The following SPG11 variants were observed in gnomAD, a reference collection of about 807,000 sequenced individuals.
SPG11 encodes spatacsin.
SPG11 carries 222 observed loss-of-function variants against 274.0 expected under a neutral mutation model. The ratio of observed to expected loss-of-function variants is 0.81; its 90% confidence interval spans 0.73 to 0.91. The LOEUF (loss-of-function observed/expected upper bound fraction) is 0.91, where lower values mean the gene tolerates loss of function less well. Ranked by LOEUF, SPG11 falls within the 40% of genes least tolerant of loss-of-function variation. SPG11 has a pLI of 0.00. For missense variants in SPG11, 3,114 were observed against 2,872.7 expected (o/e 1.08, Z -1.92); for synonymous variants, 1,144 against 1,039.7 (o/e 1.10, Z -1.93).
intron 6 of SPG11, among the ~76,000 whole-genome samples, chr15:44,651,119 ATCT>A (rs1304563519): frequency 6.6e-6 from 1 of 152,174 alleles, no homozygotes; most frequent in Non-Finnish European, 1.5e-5. Flanking sequence ...AATGTTTATA[ATCT>A]TTTTTAAAAG....
chr15:44,581,070 C>T (rs1165771031), intron 30 of SPG11, among the ~76,000 whole-genome samples: 2 of 151,862 alleles, frequency 1.3e-5, no homozygotes, highest in African/African-American at 2.4e-5. Flanking sequence ...GAAAAAAAAA[C>T]ATCGAGAGCA....
At position 44,565,918 on chromosome 15, in the gene SPG11, AT is replaced by A; in HGVS notation, c.6934del (p.Met2312CysfsTer10). The A allele has an allele frequency of 6.2e-7, 1 of 1,613,810 alleles. No individual in the cohort carries two copies. The highest frequency in any genetic ancestry group is 8.5e-7 in the Non-Finnish European group (1 of 1,179,986). On this transcript the variant is annotated frameshift_variant, in exon 38 of 40. Coordinates refer to ENST00000261866, the MANE Select transcript of SPG11 (RefSeq NM_025137.4). LOFTEE classifies it high-confidence loss of function. ...IHFLNTGQNT[M>X]LINLGRHKLM... ...CTTGTGGCGGCCCAAGTTGATGAGC[AT>A]TGTGTTCTGGCCAGTGTTCAGAAAG...
chr15:44,656,783 G>A (rs2084953524), intron 4 of SPG11, among the ~76,000 whole-genome samples: 1 of 151,982 alleles, frequency 6.6e-6, no homozygotes, highest in African/African-American at 2.4e-5. Flanking sequence ...AGAAAATTAG[G>A]GAAATAACAT....
chr15:44,642,173 C>G (rs1035713009), intron 7 of SPG11, among the ~76,000 whole-genome samples: 14 of 150,938 alleles, frequency 9.3e-5, no homozygotes, highest in Non-Finnish European at 1.5e-4. Flanking sequence ...CGAGACCAGT[C>G]TGGCAAATAT....
chr15:44,645,628 TTAAAC>T (rs1379229084), intron 7 of SPG11, among the ~76,000 whole-genome samples: 1 of 152,154 alleles, frequency 6.6e-6, no homozygotes, highest in Non-Finnish European at 1.5e-5. Flanking sequence ...TGGGACCTAA[TTAAAC>T]TAAAGAGCTT....
At chr15:44,599,075 T>C (rs1429636964) in intron 21 of SPG11, among the ~76,000 whole-genome samples, 1 of 152,176 alleles carries the variant, frequency 6.6e-6, no homozygotes, top group African/African-American at 2.4e-5. Flanking sequence ...TTAGTCATAG[T>C]CTAAACTATT....
chr15:44,584,636 TC>T, intron 29 of SPG11, 78 bp from the exon 30 acceptor site: 8 of 1,511,252 alleles, frequency 5.3e-6, no homozygotes, highest in South Asian at 1.1e-5. Flanking sequence ...CCTAAGTATA[TC>T]ATACTTGTTT....
intron 20 of SPG11, among the ~76,000 whole-genome samples, chr15:44,604,745 G>A (rs866435530): frequency 4.0e-5 from 6 of 151,662 alleles, no homozygotes; most frequent in African/African-American, 7.3e-5. Flanking sequence ...TGGCTAACAC[G>A]GTGAAACCCC....
rs1329366922 is a variant in SPG11, at chr15:44,626,497, G to A, written c.2078C>T (p.Ala693Val). The A allele has an allele frequency of 1.2e-6, 2 of 1,613,600 alleles. No individual in the cohort carries two copies. Among genetic ancestry groups the A allele is most frequent in the Non-Finnish European group, 1.7e-6 (2 of 1,179,864 alleles). Residue 693 changes from alanine (A) to valine (V), a missense_variant, in exon 11 of 40, where the codon GCC becomes GTC. Physicochemically the swap from Ala to Val is moderately conservative, Grantham distance 64 (BLOSUM62 0). Coordinates refer to ENST00000261866, the MANE Select transcript of SPG11 (RefSeq NM_025137.4). ...WKKLSFEEVI[A>V]SAILNNKIPE... Reference sequence around the variant, plus strand: ...TATTTTGTTGTTTAAAATGGCGCTGGCAATAACTTCCTAGGAAAAGAAAAA... The same window carrying A: ...TATTTTGTTGTTTAAAATGGCGCTGACAATAACTTCCTAGGAAAAGAAAAA...
chr15:44,580,565 T>C (rs2082639653), intron 30 of SPG11, among the ~76,000 whole-genome samples: 1 of 151,992 alleles, frequency 6.6e-6, no homozygotes, highest in Admixed American at 6.5e-5. Flanking sequence ...GATCACGAGG[T>C]CAAGAGATCG....
In SPG11 at chr15:44,629,358, A is replaced by G. The variant is rs1485175974; in HGVS notation, c.1766T>C (p.Leu589Ser). 2 of 1,614,086 alleles carry G rather than the reference A, an allele frequency of 1.2e-6. No individual in the cohort carries two copies. Among genetic ancestry groups the G allele is most frequent in the African/African-American group, 2.7e-5 (2 of 74,956 alleles). The change falls in exon 9 of 40, where the codon TTA becomes TCA. Residue 589 changes from leucine to serine, a missense_variant. Physicochemically the swap from Leu to Ser is moderately radical, Grantham distance 145. Transcript: ENST00000261866. ...NVEELIPALDLLCSAIRESYS... is the reference protein window; with the variant it reads ...NVEELIPALDSLCSAIRESYS... ...ACTTTCTCTAATTGCCGAGCAAAGTAAATCCAATGCTGGTATCAGCTCTTC... is the reference window on the plus strand; with the variant it reads ...ACTTTCTCTAATTGCCGAGCAAAGTGAATCCAATGCTGGTATCAGCTCTTC...
Position 44,584,044 on chromosome 15 carries a change from T to C in SPG11, c.5636A>G (p.Asn1879Ser). 6.2e-7 allele frequency: 1 copy of C among 1,614,190 alleles called. No homozygotes were observed. Among genetic ancestry groups the C allele is most frequent in the Non-Finnish European group, 8.5e-7 (1 of 1,180,030 alleles). The change falls in exon 30 of 40, where the codon AAC (asparagine) becomes AGC (serine). Residue 1879 changes from asparagine (N) to serine (S), a missense_variant. Transcript: ENST00000261866. Reference protein sequence around the residue: ...RLDWKEQESLNFLIGRLLDDG... With the variant: ...RLDWKEQESLSFLIGRLLDDG... ...ATCCAGTAGGCGCCCAATCAAAAAGTTTAGTGACTCCTGCTCTTTCCAATC... is the reference window on the plus strand; with the variant it reads ...ATCCAGTAGGCGCCCAATCAAAAAGCTTAGTGACTCCTGCTCTTTCCAATC...
chr15:44,613,399 A>C, intron 17 of SPG11, 31 bp downstream of exon 17: 2 of 1,425,398 alleles, frequency 1.4e-6, no homozygotes. Context: ...ATCCAAAGCA[A>C]GTTTCTGTGT....
rs772212585 is a variant in SPG11 at position 44,598,268 on chromosome 15, T to G, written c.3998A>C (p.Lys1333Thr). The G allele has an allele frequency of 6.2e-7, 1 of 1,612,134 alleles. No homozygotes were observed. Among genetic ancestry groups the G allele is most frequent in the Non-Finnish European group, 8.5e-7 (1 of 1,178,216 alleles). Residue 1333 changes from lysine (K) to threonine (T), a missense_variant, in exon 23 of 40, where the codon AAG becomes ACG. Physicochemically the swap from Lys to Thr is moderately conservative, Grantham distance 78. Transcript: ENST00000261866. The stretch of plus-strand genomic sequence containing the variant: ...GCTGAGACTGCAACTCACAAACCTC[T>G]TTATTTCCTGTTGCTGAATGCTGTT... ...TWNSIQQQEIKRLSSESSSQW... is the reference protein window; with the variant it reads ...TWNSIQQQEITRLSSESSSQW...
chr15:44,596,322 T>TA lies in SPG11; in HGVS notation c.4194_4195insT (p.Ile1399TyrfsTer10). ...AAAGCCAGCCTTAAGTGGTCTTGAA[T>TA]GACTGGGCTGAAGTACTGGATAAGG... is the stretch of plus-strand genomic sequence containing the variant. On this transcript the variant is annotated frameshift_variant, in exon 25 of 40. Transcript: ENST00000261866. LOFTEE classifies it high-confidence loss of function. The TA allele has an allele frequency of 6.2e-7, 1 of 1,614,186 alleles. No individual in the cohort carries two copies. The highest frequency in any genetic ancestry group is 8.5e-7 in the Non-Finnish European group (1 of 1,180,034).
At chr15:44,575,417 T>C in intron 30 of SPG11, 1 of 199,664 alleles carries the variant, frequency 5.0e-6, no homozygotes, top group East Asian at 1.1e-4. Context: ...GTTCCAGCCT[T>C]CATCACTCTG....
Position 44,651,512 on chromosome 15 carries a change from G to T in SPG11, c.1435C>A (p.Gln479Lys), listed in dbSNP as rs2141105806. Residue 479 changes from glutamine (Q) to lysine (K), a missense_variant, in exon 6 of 40, where the codon CAG becomes AAG. By Grantham distance (53) the Gln-to-Lys change is moderately conservative. Transcript: ENST00000261866. ...CIPVDSSGDQ[Q>K]LCFVLTENGL... ...TCACCTGTCAAAACAAAGCACAGCT[G>T]CTGGTCTCCACTACTGTCTACAGGA... 2 of 1,614,142 alleles carry T rather than the reference G, an allele frequency of 1.2e-6. No individual in the cohort carries two copies. The highest frequency in any genetic ancestry group is 1.7e-6 in the Non-Finnish European group (2 of 1,179,982).
At chr15:44,655,582 C>T (rs2084917034) in intron 4 of SPG11, among the ~76,000 whole-genome samples, 1 of 152,118 alleles carries the variant, frequency 6.6e-6, no homozygotes, top group Admixed American at 6.6e-5. Flanking sequence ...ATTTTCTTAA[C>T]ATTTTCTTTT....
chr15:44,615,469 G>C lies in SPG11; in HGVS notation c.2932C>G (p.Gln978Glu). 1 of 1,614,072 alleles carries C rather than the reference G, an allele frequency of 6.2e-7. No individual in the cohort carries two copies. Among genetic ancestry groups the C allele is most frequent in the Non-Finnish European group, 8.5e-7 (1 of 1,179,990 alleles). The change falls in exon 16 of 40, where the codon CAA (glutamine) becomes GAA (glutamate). Residue 978 changes from glutamine to glutamate, a missense_variant. Transcript: ENST00000261866. ...GGVIQDTLPV[Q>E]NYKTKEGWDF... ...CAACCTTCTTTGGTCTTGTAGTTTT[G>C]AACAGGGAGGGTATCCTGTATTACA...
Sources: gnomAD v4.1 joint callset for allele counts (sites outside exome capture counted in the v4.1 genomes callset) on GRCh38, gnomAD v4.1.1 for gene constraint, MANE v1.5 for transcripts, NCBI Gene and HGNC (gene_info 2026-07-23, HGNC 2026-07-21) for gene names.